UNC79: variants seen among roughly 807,000 people sequenced by gnomAD.
The protein encoded by UNC79 is unc-79 subunit of NALCN channel complex.
A neutral mutation model predicts 283.1 loss-of-function variants in UNC79; 37 were observed. The observed-to-expected ratio is 0.13, with a 90% CI of 0.10 to 0.17. The LOEUF is 0.17. UNC79 is among the 10% of genes least tolerant of loss of function. UNC79 has a pLI of 1.00. For missense variants in UNC79, 2,272 were observed against 3,211.1 expected, an observed-to-expected ratio of 0.71 and a Z score of 7.07; for synonymous variants, 1,107 against 1,200.2, an observed-to-expected ratio of 0.92 and a Z score of 1.61.
intron 1 of UNC79, among the ~76,000 whole-genome samples, chr14:93,358,939 A>G (rs993061687): frequency 6.6e-6 from 1 of 152,154 alleles, no homozygotes; most frequent in Non-Finnish European, 1.5e-5. Flanking sequence ...AGTGTTACCC[A>G]TGAAGAGGTG....
At chr14:93,359,416 C>G (rs967195452) in intron 1 of UNC79, among the ~76,000 whole-genome samples, 7 of 152,210 alleles carry the variant, frequency 4.6e-5, no homozygotes, top group African/African-American at 1.7e-4. Context: ...TTGCTCTTCT[C>G]CGTATGTCAG....
Position 93,653,932 on chromosome 14 carries a change from C to T in UNC79, c.6197-8C>T, listed in dbSNP as rs988432836. On this transcript the variant is annotated splice_region_variant and splice_polypyrimidine_tract_variant and intron_variant, in intron 36 of 48. Transcript: ENST00000555664. ...CCCAAACACTAAATCCGATCGTTGA[C>T]TTTCCAGATGGGACTTTTTTACGGA... 9 of 1,614,058 alleles carry T rather than the reference C, an allele frequency of 5.6e-6. No homozygotes were observed. The highest frequency in any genetic ancestry group is 7.6e-6 in the Non-Finnish European group (9 of 1,180,012).
intron 1 of UNC79, among the ~76,000 whole-genome samples, chr14:93,446,653 C>T (rs2140152286): frequency 6.6e-6 from 1 of 152,278 alleles, no homozygotes; most frequent in South Asian, 2.1e-4. Flanking sequence ...CTTGGTCTCC[C>T]AAAGTTCTGG....
intron 7 of UNC79, among the ~76,000 whole-genome samples, chr14:93,511,191 C>T (rs1246744898): frequency 1.3e-5 from 2 of 152,088 alleles, no homozygotes; most frequent in Non-Finnish European, 2.9e-5. Flanking sequence ...AAATCCACTC[C>T]CACGATCTAG....
intron 42 of UNC79, among the ~76,000 whole-genome samples, chr14:93,683,760 T>G (rs2074028593): frequency 6.6e-6 from 1 of 151,904 alleles, no homozygotes; most frequent in Non-Finnish European, 1.5e-5. Context: ...TAGCAATCAA[T>G]GAATTGTAAG....
Position 93,443,617 on chromosome 14 carries a change from G to T in UNC79, c.22+12566G>T, listed in dbSNP as rs1332818045. On this transcript the variant is annotated intron_variant, in intron 1 of 48. Transcript: ENST00000555664. The stretch of plus-strand genomic sequence containing the variant: ...TTTTTGTATTTTTAGTAGAGACAGG[G>T]TTTCACCATGTTGGGCAGGCTGGTC... Among the ~76,000 whole-genome samples, 3 of 152,144 alleles carry T rather than the reference G, an allele frequency of 2.0e-5. No homozygotes were observed. The East Asian group carries it at 5.8e-4, about 30-fold the overall frequency.
At chr14:93,458,146 C>A (rs2056847295) in intron 1 of UNC79, among the ~76,000 whole-genome samples, 1 of 152,072 alleles carries the variant, frequency 6.6e-6, no homozygotes, top group Admixed American at 6.6e-5. Flanking sequence ...TAAAAGGGGG[C>A]AATGACAGAA....
At chr14:93,598,394 GT>G (rs1482213470) in intron 24 of UNC79, among the ~76,000 whole-genome samples, 87 of 151,936 alleles carry the variant, frequency 5.7e-4, no homozygotes, top group African/African-American at 2.0e-3. Context: ...GTGTGTGTGT[GT>G]GTGTGTGTGT....
intron 1 of UNC79, among the ~76,000 whole-genome samples, chr14:93,424,461 G>A (rs1056986609): frequency 2.0e-5 from 3 of 152,056 alleles, no homozygotes; most frequent in Non-Finnish European, 2.9e-5. Flanking sequence ...AGCAACCTAA[G>A]TGTCTATAAA....
At chr14:93,546,359 C>T (rs1044253539) in intron 14 of UNC79, among the ~76,000 whole-genome samples, 11 of 152,130 alleles carry the variant, frequency 7.2e-5, no homozygotes, top group African/African-American at 1.7e-4. Context: ...TGGCTAGATC[C>T]GATCTCCTCC....
At chr14:93,564,089 A>T (rs1201629923) in intron 14 of UNC79, among the ~76,000 whole-genome samples, 3 of 152,230 alleles carry the variant, frequency 2.0e-5, no homozygotes, top group Non-Finnish European at 4.4e-5. Flanking sequence ...GTGCATTCCC[A>T]GTCCTTGTGT....
At chr14:93,500,460 C>T (rs945884495) in intron 7 of UNC79, among the ~76,000 whole-genome samples, 2 of 151,662 alleles carry the variant, frequency 1.3e-5, no homozygotes, top group African/African-American at 4.8e-5. Context: ...AACAAAAGAT[C>T]ACAGAAAAAA....
At chr14:93,599,882 C>T (rs773663080) in intron 24 of UNC79, among the ~76,000 whole-genome samples, 12 of 152,132 alleles carry the variant, frequency 7.9e-5, no homozygotes, top group Non-Finnish European at 1.8e-4. Context: ...TTTGAAAGTA[C>T]GCTTCTCTTA....
chr14:93,603,134 G>A, intron 25 of UNC79, 105 bp from the exon 26 acceptor site: 1 of 1,316,660 alleles, frequency 7.6e-7, no homozygotes, highest in Admixed American at 2.3e-5. Flanking sequence ...CATGAAAAAT[G>A]TATTTTAATA....
At chr14:93,633,788 A>G (rs2068253083) in intron 31 of UNC79, among the ~76,000 whole-genome samples, 1 of 152,210 alleles carries the variant, frequency 6.6e-6, no homozygotes, top group Non-Finnish European at 1.5e-5. Flanking sequence ...CTGATGGGAT[A>G]TGTTTCAATG....
chr14:93,353,581 C>G (rs993464492), intron 1 of UNC79, among the ~76,000 whole-genome samples: 1 of 152,144 alleles, frequency 6.6e-6, no homozygotes, highest in African/African-American at 2.4e-5. Flanking sequence ...TATCAATCAC[C>G]CTGTCCCATA....
intron 1 of UNC79, among the ~76,000 whole-genome samples, chr14:93,435,800 G>C (rs2402284): frequency 0.7 from 105,865 of 152,026 alleles, 37,274 homozygotes; most frequent in Middle Eastern, 0.77. Context: ...CCTCTTCAAT[G>C]CAGTTACAAT....
chr14:93,580,502 A>G, intron 19 of UNC79, 126 bp downstream of exon 19: 5 of 986,930 alleles, frequency 5.1e-6, no homozygotes, highest in Non-Finnish European at 7.2e-6. Context: ...AGACTGTGTT[A>G]AAAGAAACTT....
chr14:93,338,830 G>T (rs1296579640), intron 1 of UNC79, among the ~76,000 whole-genome samples: 1 of 152,180 alleles, frequency 6.6e-6, no homozygotes, highest in Non-Finnish European at 1.5e-5. Flanking sequence ...GATCATTTGA[G>T]CCTGGGAGGT....
Sources: gnomAD v4.1 joint callset for allele counts (sites outside exome capture counted in the v4.1 genomes callset) on GRCh38, gnomAD v4.1.1 for gene constraint, MANE v1.5 for transcripts, NCBI Gene and HGNC (gene_info 2026-07-23, HGNC 2026-07-21) for gene names.